Variants in SP100 observed in about 807,000 individuals in gnomAD.
SP100 encodes SP100 nuclear body protein, also known as nuclear autoantigen Sp-100.
In SP100, 84 loss-of-function variants were observed where a neutral mutation model predicts 130.0. The ratio of observed to expected loss-of-function variants is 0.65; its 90% CI spans 0.54 to 0.77. The LOEUF is 0.77. SP100 is among the 30% of genes least tolerant of loss of function. SP100 has a pLI of 0.00. For missense variants in SP100, 978 were observed against 1,052.2 expected, an observed-to-expected ratio of 0.93 and a Z score of 0.97; for synonymous variants, 331 against 351.7, an observed-to-expected ratio of 0.94 and a Z score of 0.66.
At chr2:230,466,474 T>C (rs1189822534) in intron 12 of SP100, 120 bp downstream of exon 12, 2 of 630,392 alleles carry the variant, frequency 3.2e-6, no homozygotes, top group Non-Finnish European at 5.6e-6. Flanking sequence ...CAAAGTAAAA[T>C]ATAAATTTGC....
intron 24 of SP100, among the ~76,000 whole-genome samples, chr2:230,514,456 T>C (rs947174820): frequency 9.2e-5 from 14 of 152,306 alleles, no homozygotes; most frequent in Non-Finnish European, 1.9e-4. Context: ...AATAATTAAG[T>C]CCAAATTGCA....
intron 24 of SP100, chr2:230,515,647 T>C: frequency 3.8e-6 from 6 of 1,592,832 alleles, no homozygotes; most frequent in South Asian, 1.1e-5. Flanking sequence ...ATAAGTTGCT[T>C]CTAGTGCAGT....
At chr2:230,505,336 C>T (rs923471524) in intron 21 of SP100, among the ~76,000 whole-genome samples, 1 of 152,218 alleles carries the variant, frequency 6.6e-6, no homozygotes, top group African/African-American at 2.4e-5. Flanking sequence ...GGAAAATGTA[C>T]ACATCTGAGA....
At chr2:230,523,558 T>C (rs1033609159) in intron 24 of SP100, among the ~76,000 whole-genome samples, 2 of 152,140 alleles carry the variant, frequency 1.3e-5, no homozygotes, top group African/African-American at 4.8e-5. Flanking sequence ...GTTCAAAGTA[T>C]TTTTCAAGTT....
At chr2:230,464,437 C>G (rs1375164506) in intron 11 of SP100, among the ~76,000 whole-genome samples, 1 of 152,124 alleles carries the variant, frequency 6.6e-6, no homozygotes, top group African/African-American at 2.4e-5. Context: ...AACAAACTAT[C>G]AAGAGTTATT....
intron 14 of SP100, 117 bp from the exon 15 acceptor site, chr2:230,469,898 G>A (rs13413034): frequency 0.089 from 134,907 of 1,509,602 alleles, 6,902 homozygotes; most frequent in Non-Finnish European, 0.1. Flanking sequence ...CTAGTGGTGG[G>A]ACTATTTCTC....
intron 15 of SP100, chr2:230,470,461 C>G (rs2065209904): frequency 1.3e-5 from 13 of 975,782 alleles, no homozygotes; most frequent in Non-Finnish European, 1.6e-5. Flanking sequence ...ATTGTAAAGC[C>G]TCAAAAGACA....
At position 230,417,769 on chromosome 2, in the gene SP100, T is replaced by C. The variant is rs907013274; in HGVS notation, c.107+104T>C. ...TTGGCCATTTAAATTCCCTCTTCTA[T>C]AAATTGCTTGTTTGTTTTTTGCCAA... On this transcript the variant is annotated intron_variant, in intron 2 of 28. Transcript: ENST00000340126. 6 of 1,475,762 alleles carry C rather than the reference T, an allele frequency of 4.1e-6. No individual in the cohort carries two copies. In the African/African-American group the frequency reaches 7.1e-5, roughly 17 times the overall value. The allele number at this position is 1,475,762 out of a possible 1,614,324, so 91.4% of individuals were successfully genotyped here. A position where few individuals can be genotyped will look rare whatever the true frequency, so the allele number is the denominator to read the frequency against.
chr2:230,470,597 C>A (rs1649882), intron 15 of SP100: 58,673 of 233,050 alleles, frequency 0.25, 8,498 homozygotes, highest in Middle Eastern at 0.33. Context: ...ATTTCAATGT[C>A]TTTTGGCAAA....
chr2:230,462,612 C>T (rs777137470), intron 10 of SP100, 94 bp downstream of exon 10: 2 of 910,190 alleles, frequency 2.2e-6, no homozygotes, highest in Non-Finnish European at 3.6e-6. Flanking sequence ...TCATTCTGTA[C>T]AATGGATCCA....
chr2:230,430,641 G>A (rs62193377), intron 2 of SP100, among the ~76,000 whole-genome samples: 15,859 of 152,282 alleles, frequency 0.1, 874 homozygotes, highest in Admixed American at 0.11. Flanking sequence ...CACTGGCTGG[G>A]CTGAGTGATT....
rs543684337 is a variant in SP100 at position 230,418,099 on chromosome 2, ATC to A, written c.107+438_107+439del. Reference sequence around the variant, plus strand: ...TTCCAGGAAGAGTTCCTCCTCTAATATCTCTGAAAATTTTTTAAATTTTTAAA... The same window carrying A: ...TTCCAGGAAGAGTTCCTCCTCTAATATCTGAAAATTTTTTAAATTTTTAAA... On this transcript the variant is annotated intron_variant, in intron 2 of 28. Coordinates refer to ENST00000340126, the MANE Select transcript of SP100 (RefSeq NM_001080391.2). Among the ~76,000 whole-genome samples the A allele has an allele frequency of 1.2e-3, 185 of 152,230 alleles. 1 individual carries two copies. Among genetic ancestry groups the A allele is most frequent in the Non-Finnish European group, 2.4e-3 (161 of 68,008 alleles).
At chr2:230,466,232 A>G (rs182439938) in intron 11 of SP100, 69 bp from the exon 12 acceptor site, 1 of 781,944 alleles carries the variant, frequency 1.3e-6, no homozygotes, top group Non-Finnish European at 2.1e-6. Flanking sequence ...CCCATTTGCC[A>G]TGTCAGTTGT....
At chr2:230,532,324 T>A (rs1446242347) in intron 24 of SP100, among the ~76,000 whole-genome samples, 2 of 152,198 alleles carry the variant, frequency 1.3e-5, no homozygotes, top group African/African-American at 4.8e-5. Flanking sequence ...GATGTTTTTT[T>A]CCAAGGTAAT....
chr2:230,527,340 A>G (rs1410732258), intron 24 of SP100, among the ~76,000 whole-genome samples: 1 of 152,242 alleles, frequency 6.6e-6, no homozygotes, highest in African/African-American at 2.4e-5. Flanking sequence ...TCATAAGTGA[A>G]GGAGAAATAA....
intron 23 of SP100, 187 bp downstream of exon 23, chr2:230,508,218 C>T (rs930194494): frequency 2.4e-5 from 19 of 797,976 alleles, no homozygotes; most frequent in Non-Finnish European, 3.0e-5. Flanking sequence ...AACATCAAAA[C>T]GTTTGAGATA....
At chr2:230,476,276 G>A (rs556046528) in intron 17 of SP100, among the ~76,000 whole-genome samples, 2 of 152,182 alleles carry the variant, frequency 1.3e-5, no homozygotes, top group East Asian at 3.9e-4. Flanking sequence ...TGAATTCCTA[G>A]GGATCTCATT....
At chr2:230,427,318 C>T (rs1282770306) in intron 2 of SP100, among the ~76,000 whole-genome samples, 2 of 152,070 alleles carry the variant, frequency 1.3e-5, no homozygotes, top group Admixed American at 6.5e-5. Flanking sequence ...CCTGCCACCA[C>T]ACCCGGCTAA....
At chr2:230,502,050 T>TTA (rs1553642690) in intron 19 of SP100, among the ~76,000 whole-genome samples, 5 of 149,202 alleles carry the variant, frequency 3.4e-5, no homozygotes, top group Admixed American at 6.7e-5. Context: ...TTTTTTTTTT[T>TTA]AATTTTTAGT....
Sources: allele counts gnomAD v4.1 joint callset (sites outside exome capture counted in the v4.1 genomes callset), GRCh38; gene constraint gnomAD v4.1.1; transcripts MANE v1.5; gene names NCBI Gene and HGNC (gene_info 2026-07-23, HGNC 2026-07-21).